BMPR1A: variants seen among roughly 807,000 people sequenced by gnomAD.
BMPR1A encodes bone morphogenetic protein receptor type-1A.
A neutral mutation model predicts 66.0 loss-of-function variants in BMPR1A; 7 were observed. That is an observed-to-expected ratio of 0.11 (90% CI 0.06 to 0.20). The LOEUF is 0.20. BMPR1A is among the 10% of genes least tolerant of loss of function. The pLI is 1.00. For missense variants in BMPR1A, 408 were observed against 669.1 expected, an observed-to-expected ratio of 0.61 and a Z score of 4.31; for synonymous variants, 200 against 229.7, an observed-to-expected ratio of 0.87 and a Z score of 1.17.
chr10:86,871,144 A>C (rs182984219), intron 2 of BMPR1A, among the ~76,000 whole-genome samples: 1 of 151,736 alleles, frequency 6.6e-6, no homozygotes, highest in East Asian at 1.9e-4. Flanking sequence ...GACTGACTCT[A>C]TTTTTCAGAT....
chr10:86,839,937 C>T (rs1253316671), intron 2 of BMPR1A, among the ~76,000 whole-genome samples: 1 of 152,132 alleles, frequency 6.6e-6, no homozygotes, highest in African/African-American at 2.4e-5. Context: ...GCTGGGATTA[C>T]AGGCATGAGC....
Position 86,880,040 on chromosome 10 carries a change from G to A in BMPR1A, c.67+3955G>A, listed in dbSNP as rs535940984. 2.6e-5 allele frequency among the ~76,000 whole-genome samples: 4 copies of A among 152,330 alleles called. No individual in the cohort carries two copies. In the East Asian group the frequency reaches 7.7e-4, roughly 29 times the overall value. ...ATTAGTGGAGGATGATCTTTGTGGAGACTGAACAGCTTTAGCGGCCTGCTT... is the reference window on the plus strand; with the variant it reads ...ATTAGTGGAGGATGATCTTTGTGGAAACTGAACAGCTTTAGCGGCCTGCTT... On this transcript the variant is annotated intron_variant, in intron 3 of 12. Coordinates refer to ENST00000372037, the MANE Select transcript of BMPR1A (RefSeq NM_004329.3).
At chr10:86,901,295 CAGTG>C (rs1311555135) in intron 7 of BMPR1A, among the ~76,000 whole-genome samples, 1 of 152,226 alleles carries the variant, frequency 6.6e-6, no homozygotes, top group Non-Finnish European at 1.5e-5. Flanking sequence ...TCCACAGAAA[CAGTG>C]AGATAACAAT....
intron 7 of BMPR1A, among the ~76,000 whole-genome samples, chr10:86,909,391 G>A (rs1265721682): frequency 1.3e-5 from 2 of 151,924 alleles, no homozygotes; most frequent in East Asian, 1.9e-4. Context: ...CCAGAAGTTC[G>A]AGACCAGCGT....
chr10:86,790,529 G>A (rs953590842), intron 1 of BMPR1A, among the ~76,000 whole-genome samples: 1 of 151,958 alleles, frequency 6.6e-6, no homozygotes, highest in Non-Finnish European at 1.5e-5. Context: ...ATTCATAATA[G>A]GAGGAAACAA....
intron 10 of BMPR1A, among the ~76,000 whole-genome samples, chr10:86,919,949 C>G (rs1023127756): frequency 1.3e-5 from 2 of 152,078 alleles, no homozygotes; most frequent in Non-Finnish European, 2.9e-5. Flanking sequence ...CTCAGCTGAT[C>G]CTCCCAAAGT....
intron 1 of BMPR1A, among the ~76,000 whole-genome samples, chr10:86,831,988 G>A (rs1426934574): frequency 1.3e-5 from 2 of 152,128 alleles, no homozygotes; most frequent in Non-Finnish European, 2.9e-5. Context: ...TTGTAAAGAT[G>A]ATATACCTAT....
intron 1 of BMPR1A, among the ~76,000 whole-genome samples, chr10:86,786,292 C>T (rs748322913): frequency 1.3e-5 from 2 of 152,126 alleles, no homozygotes; most frequent in Non-Finnish European, 2.9e-5. Context: ...TTCCTTCTAA[C>T]CGTTGTTCAT....
chr10:86,794,069 G>A (rs1177705762), intron 1 of BMPR1A, among the ~76,000 whole-genome samples: 1 of 152,130 alleles, frequency 6.6e-6, no homozygotes, highest in African/African-American at 2.4e-5. Flanking sequence ...CAGGATAATC[G>A]CCCCATCTCA....
intron 10 of BMPR1A, among the ~76,000 whole-genome samples, chr10:86,919,727 A>G (rs1039828456): frequency 6.6e-6 from 1 of 151,282 alleles, no homozygotes; most frequent in Non-Finnish European, 1.5e-5. Flanking sequence ...TTTTTTTTAA[A>G]GACAGTGTCT....
intron 1 of BMPR1A, among the ~76,000 whole-genome samples, chr10:86,828,562 A>G (rs1475601434): frequency 3.9e-5 from 6 of 152,224 alleles, no homozygotes; most frequent in African/African-American, 9.6e-5. Flanking sequence ...CATAATGTCA[A>G]TTCTGAATTT....
At chr10:86,920,846 CT>C (rs1249933334) in intron 10 of BMPR1A, among the ~76,000 whole-genome samples, 2 of 141,632 alleles carry the variant, frequency 1.4e-5, no homozygotes, top group African/African-American at 5.5e-5. Context: ...TTTTTTTTTC[CT>C]TTTCTTTTCT....
chr10:86,917,119 C>A lies in BMPR1A; in HGVS notation c.676-15C>A, dbSNP rs918982108. On this transcript the variant is annotated splice_polypyrimidine_tract_variant and intron_variant, in intron 8 of 12. Transcript: ENST00000372037. ...TTTCATCAAGAGCTCAAACCTTTTACTTTTTTCTATAAAGGTTCAGCGAAC... is the reference window on the plus strand; with the variant it reads ...TTTCATCAAGAGCTCAAACCTTTTAATTTTTTCTATAAAGGTTCAGCGAAC... 70 of 1,613,418 alleles carry A rather than the reference C, an allele frequency of 4.3e-5. No homozygotes were observed. The highest frequency in any genetic ancestry group is 5.8e-5 in the Non-Finnish European group (68 of 1,179,638).
At chr10:86,831,168 T>G (rs1378002586) in intron 1 of BMPR1A, among the ~76,000 whole-genome samples, 2 of 152,244 alleles carry the variant, frequency 1.3e-5, no homozygotes, top group African/African-American at 4.8e-5. Flanking sequence ...CTTCTTCGTC[T>G]GCATCAGTAC....
chr10:86,878,722 G>A (rs1842950692), intron 3 of BMPR1A, among the ~76,000 whole-genome samples: 2 of 152,342 alleles, frequency 1.3e-5, no homozygotes, highest in South Asian at 4.2e-4. Context: ...GAAAGCAAAA[G>A]TGTCACAGAT....
intron 2 of BMPR1A, among the ~76,000 whole-genome samples, chr10:86,853,562 GC>G: frequency 6.6e-6 from 1 of 152,026 alleles, no homozygotes; most frequent in Admixed American, 6.6e-5. Context: ...TGGGGAACCT[GC>G]CCCGATAGTC....
intron 8 of BMPR1A, among the ~76,000 whole-genome samples, chr10:86,916,710 C>T (rs959783005): frequency 3.3e-5 from 5 of 152,000 alleles, no homozygotes. Context: ...ACATTATGGC[C>T]GGGCATGGTG....
At chr10:86,872,172 C>G (rs2133298834) in intron 2 of BMPR1A, among the ~76,000 whole-genome samples, 1 of 152,270 alleles carries the variant, frequency 6.6e-6, no homozygotes, top group African/African-American at 2.4e-5. Flanking sequence ...CTTTTTTTGT[C>G]TATAAAAATT....
At chr10:86,904,049 G>A (rs780270586) in intron 7 of BMPR1A, among the ~76,000 whole-genome samples, 2 of 152,140 alleles carry the variant, frequency 1.3e-5, no homozygotes, top group Admixed American at 6.5e-5. Flanking sequence ...GATTACAGGC[G>A]TGTACCACCA....
Sources: gnomAD v4.1 joint callset for allele counts (sites outside exome capture counted in the v4.1 genomes callset) on GRCh38, gnomAD v4.1.1 for gene constraint, MANE v1.5 for transcripts, NCBI Gene and HGNC (gene_info 2026-07-23, HGNC 2026-07-21) for gene names.